SMARCAD1: variants seen among roughly 807,000 people sequenced by gnomAD.
SMARCAD1 encodes the protein SWI/SNF-related matrix-associated actin-dependent regulator of chromatin subfamily A containing DEAD/H box 1.
In SMARCAD1, 25 loss-of-function variants were observed where a neutral mutation model predicts 127.1. The observed-to-expected ratio is 0.20, with a 90% CI of 0.14 to 0.27. The LOEUF (loss-of-function observed/expected upper bound fraction) is 0.27. SMARCAD1 is among the 10% of genes least tolerant of loss of function. SMARCAD1 has a pLI of 1.00. For synonymous variants in SMARCAD1, 400 were observed against 396.9 expected (o/e 1.01, Z -0.09); for missense variants, 807 against 1,206.0 (o/e 0.67, Z 4.90).
intron 7 of SMARCAD1, among the ~76,000 whole-genome samples, chr4:94,250,167 A>G (rs1384362384): frequency 6.6e-6 from 1 of 151,894 alleles, no homozygotes; most frequent in Non-Finnish European, 1.5e-5. Flanking sequence ...ACTACTTCCC[A>G]GATAGTGAGA....
intron 6 of SMARCAD1, chr4:94,248,424 T>C: frequency 2.2e-6 from 1 of 455,978 alleles, no homozygotes; most frequent in South Asian, 1.6e-5. Flanking sequence ...ATCTGTTCCC[T>C]CCTCAGCTGG....
intron 1 of SMARCAD1, 21 bp downstream of exon 1, chr4:94,208,091 G>T (rs1187658108): frequency 3.8e-6 from 2 of 531,622 alleles, no homozygotes; most frequent in Non-Finnish European, 7.2e-6. Context: ...GTTGCATGAG[G>T]GTCAGCTCGT....
At chr4:94,209,725 G>C (rs1264791489) in intron 2 of SMARCAD1, among the ~76,000 whole-genome samples, 3 of 152,178 alleles carry the variant, frequency 2.0e-5, no homozygotes. Context: ...ATTTACAAAG[G>C]CTTTGTCTAA....
chr4:94,285,440 T>G (rs774696574), intron 23 of SMARCAD1, among the ~76,000 whole-genome samples: 5 of 152,178 alleles, frequency 3.3e-5, no homozygotes, highest in African/African-American at 4.8e-5. Flanking sequence ...ACACGTGTTC[T>G]TTCTTTTATG....
At chr4:94,209,863 A>G (rs1284787702) in intron 2 of SMARCAD1, among the ~76,000 whole-genome samples, 1 of 152,188 alleles carries the variant, frequency 6.6e-6, no homozygotes, top group African/African-American at 2.4e-5. Context: ...CAATGAATAT[A>G]TTTGTCTGTT....
intron 21 of SMARCAD1, among the ~76,000 whole-genome samples, chr4:94,282,768 ATGT>A (rs1451083464): frequency 6.6e-6 from 1 of 152,108 alleles, no homozygotes; most frequent in Non-Finnish European, 1.5e-5. Context: ...TTCATCAGAA[ATGT>A]TGTCTGCCAG....
chr4:94,246,128 T>C (rs1748377307), intron 6 of SMARCAD1, among the ~76,000 whole-genome samples: 1 of 151,752 alleles, frequency 6.6e-6, no homozygotes, highest in Non-Finnish European at 1.5e-5. Context: ...TTTTTTTTTT[T>C]TTTTCTTTTG....
At chr4:94,277,438 T>C (rs1376660475) in intron 16 of SMARCAD1, among the ~76,000 whole-genome samples, 1 of 152,200 alleles carries the variant, frequency 6.6e-6, no homozygotes, top group East Asian at 1.9e-4. Flanking sequence ...ATATATAGTA[T>C]GTGCGGAAAG....
intron 2 of SMARCAD1, chr4:94,212,949 T>G (rs1742522307): frequency 1.6e-6 from 1 of 637,084 alleles, no homozygotes; most frequent in African/African-American, 1.9e-5. Context: ...CCCTGATTTA[T>G]TTTACTCTTC....
At chr4:94,237,874 C>G (rs1746941153) in intron 5 of SMARCAD1, among the ~76,000 whole-genome samples, 1 of 152,032 alleles carries the variant, frequency 6.6e-6, no homozygotes, top group South Asian at 2.1e-4. Flanking sequence ...TTTATATAGG[C>G]TAAATTTCAA....
intron 23 of SMARCAD1, among the ~76,000 whole-genome samples, chr4:94,287,421 T>C (rs1413149262): frequency 6.6e-6 from 1 of 152,218 alleles, no homozygotes; most frequent in Non-Finnish European, 1.5e-5. Context: ...CCAATCTGTT[T>C]GTCCCCTCTT....
chr4:94,290,782 A>T lies in SMARCAD1; in HGVS notation c.*1248A>T, dbSNP rs182641818. The T allele has an allele frequency of 6.3e-5, 27 of 429,670 alleles. No homozygotes were observed. In the Middle Eastern group the frequency reaches 2.3e-3, roughly 37 times the overall value. The allele number at this position is 429,670 out of a possible 1,614,324, so 26.6% of individuals were successfully genotyped here. On this transcript the variant is annotated 3_prime_UTR_variant, in exon 24 of 24. Coordinates refer to ENST00000354268, the MANE Select transcript of SMARCAD1 (RefSeq NM_020159.5). ...GAGTTCCATGTGTTTTGTTTTTATTATGTAAATATCATTATAAATAAACTT... is the reference window on the plus strand; with the variant it reads ...GAGTTCCATGTGTTTTGTTTTTATTTTGTAAATATCATTATAAATAAACTT...
intron 10 of SMARCAD1, among the ~76,000 whole-genome samples, chr4:94,268,405 G>A (rs1386094671): frequency 2.0e-5 from 3 of 152,090 alleles, no homozygotes; most frequent in African/African-American, 4.8e-5. Context: ...GTGATAGGTT[G>A]TATGTTGGGA....
chr4:94,222,620 T>C (rs1443931165), intron 2 of SMARCAD1, among the ~76,000 whole-genome samples: 1 of 152,206 alleles, frequency 6.6e-6, no homozygotes, highest in Non-Finnish European at 1.5e-5. Flanking sequence ...TTTTATTTTA[T>C]TTTTTCTGTA....
intron 19 of SMARCAD1, 118 bp from the exon 20 acceptor site, chr4:94,280,474 A>G: frequency 1.1e-6 from 1 of 887,908 alleles, no homozygotes; most frequent in Non-Finnish European, 1.7e-6. Flanking sequence ...AGTCTGTTAC[A>G]CTAAAAGGTT....
chr4:94,216,633 G>A (rs1743245238), intron 2 of SMARCAD1, among the ~76,000 whole-genome samples: 1 of 151,962 alleles, frequency 6.6e-6, no homozygotes, highest in Non-Finnish European at 1.5e-5. Flanking sequence ...GATTCCCCCA[G>A]CCCCCGGCAA....
Position 94,290,005 on chromosome 4 carries a change from A to G in SMARCAD1, c.*471A>G, listed in dbSNP as rs1412561990. On this transcript the variant is annotated 3_prime_UTR_variant, in exon 24 of 24. Transcript: ENST00000354268. Reference sequence around the variant, plus strand: ...TTATTATGTTAAAGAATGCAGCTGTATAGATTATATAGCTTTCATTTTATT... The same window carrying G: ...TTATTATGTTAAAGAATGCAGCTGTGTAGATTATATAGCTTTCATTTTATT... 2.2e-6 allele frequency: 1 copy of G among 454,456 alleles called. No individual in the cohort carries two copies. The highest frequency in any genetic ancestry group is 1.6e-5 in the South Asian group (1 of 64,476). 28.2% of individuals were successfully genotyped at this position (454,456 alleles called of 1,614,324 possible).
At chr4:94,268,249 TGTA>T (rs1299192820) in intron 10 of SMARCAD1, among the ~76,000 whole-genome samples, 1 of 152,222 alleles carries the variant, frequency 6.6e-6, no homozygotes, top group East Asian at 1.9e-4. Context: ...TAAAAATCTG[TGTA>T]GTTTTTTAAA....
intron 9 of SMARCAD1, among the ~76,000 whole-genome samples, chr4:94,259,322 T>G (rs1204134044): frequency 1.3e-5 from 2 of 152,244 alleles, no homozygotes; most frequent in African/African-American, 4.8e-5. Flanking sequence ...AAACCTGTGA[T>G]ATTTGGGTTT....
Sources: gnomAD v4.1 joint callset for allele counts (sites outside exome capture counted in the v4.1 genomes callset) on GRCh38, gnomAD v4.1.1 for gene constraint, MANE v1.5 for transcripts, NCBI Gene and HGNC (gene_info 2026-07-23, HGNC 2026-07-21) for gene names.